The following HNF1B variants were observed in gnomAD, a reference collection of about 807,000 sequenced individuals.
HNF1B encodes HNF1 homeobox B.
A neutral mutation model predicts 61.7 loss-of-function variants in HNF1B; 8 were observed. That is an observed-to-expected ratio of 0.13 (90% CI 0.08 to 0.23). The LOEUF (loss-of-function observed/expected upper bound fraction) is 0.23, where lower values mean the gene tolerates loss of function less well. HNF1B is among the 10% of genes least tolerant of loss of function. The pLI, the probability that HNF1B is intolerant of heterozygous loss-of-function variation, is 1.00. For missense variants in HNF1B, 562 were observed against 714.5 expected (o/e 0.79, Z 2.43); for synonymous variants, 314 against 287.7 (o/e 1.09, Z -0.93).
chr17:37,733,671 C>T lies in HNF1B; in HGVS notation c.695G>A (p.Arg232His), dbSNP rs1293305953. Residue 232 changes from arginine to histidine, a missense_variant, in exon 3 of 9, where the codon CGC (arginine) becomes CAC (histidine). Arg to His is a conservative substitution (Grantham distance 29). Coordinates refer to ENST00000617811, the MANE Select transcript of HNF1B (RefSeq NM_000458.4). ...ACSEPTNKKM[R>H]RNRFKWGPAS... is the part of the protein sequence containing the mutation. ...GGGCCCCCATTTGAACCGGTTGCGG[C>T]GCATCTTCTTGTTGGTGGGCTCAGA... The T allele has an allele frequency of 1.9e-6, 3 of 1,614,136 alleles. No homozygotes were observed. The highest frequency in any genetic ancestry group is 2.5e-6 in the Non-Finnish European group (3 of 1,180,034).
intron 8 of HNF1B, among the ~76,000 whole-genome samples, chr17:37,694,422 A>G (rs9892033): frequency 0.39 from 18,131 of 46,828 alleles, 1,895 homozygotes; most frequent in Middle Eastern, 0.54. Context: ...GCAAAACTCC[A>G]TCCCCCCGCC....
At chr17:37,696,889 C>A (rs968992628) in intron 8 of HNF1B, among the ~76,000 whole-genome samples, 2 of 152,114 alleles carry the variant, frequency 1.3e-5, no homozygotes, top group African/African-American at 4.8e-5. Flanking sequence ...GCACCTTTAC[C>A]CTCATTTTAC....
intron 4 of HNF1B, among the ~76,000 whole-genome samples, chr17:37,719,320 C>A (rs932359444): frequency 1.3e-5 from 2 of 151,994 alleles, no homozygotes; most frequent in African/African-American, 4.8e-5. Flanking sequence ...AAAATACAAT[C>A]AAAATTGAAG....
rs928892825 is a variant in HNF1B, at chr17:37,714,713, G to A, written c.1046-4050C>T. 2.0e-4 allele frequency among the ~76,000 whole-genome samples: 30 copies of A among 152,282 alleles called. 1 individual carries two copies. The highest frequency in any genetic ancestry group is 1.8e-3 in the Admixed American group (28 of 15,302). On this transcript the variant is annotated intron_variant, in intron 4 of 8. Coordinates refer to ENST00000617811, the MANE Select transcript of HNF1B (RefSeq NM_000458.4). ...TCCTGGATACAGACGCAGATCATTCGGTTTCTATCCAATATGACTGGTCAG... is the reference window on the plus strand; with the variant it reads ...TCCTGGATACAGACGCAGATCATTCAGTTTCTATCCAATATGACTGGTCAG...
chr17:37,715,333 A>AG (rs1232314714), intron 4 of HNF1B, among the ~76,000 whole-genome samples: 13 of 152,244 alleles, frequency 8.5e-5, no homozygotes, highest in African/African-American at 3.1e-4. Flanking sequence ...AAACCCCAGC[A>AG]GCTTTGAGCA....
chr17:37,699,094 G>A lies in HNF1B; in HGVS notation c.1635C>T (p.Asn545=), dbSNP rs917853092. The A allele has an allele frequency of 1.9e-6, 3 of 1,613,188 alleles. No homozygotes were observed. In the African/African-American group the frequency reaches 4.0e-5, roughly 22 times the overall value. ...GCATTACCTGTTTACTTGAAGACAT[G>A]TTGGTGAGTGTACTGATGCTGCTGG... ...TDTSSISTLT[N]MSSSKQCPLQ... is the part of the protein sequence containing the mutation. Residue 545 remains asparagine, a synonymous_variant, in exon 8 of 9, where the codon AAC becomes AAT. Transcript: ENST00000617811.
intron 1 of HNF1B, 128 bp from the exon 2 acceptor site, chr17:37,739,767 TG>T: frequency 1.1e-6 from 1 of 917,434 alleles, no homozygotes; most frequent in Non-Finnish European, 1.7e-6. Context: ...GCTACAACTT[TG>T]GGGTAGACAT....
intron 8 of HNF1B, among the ~76,000 whole-genome samples, chr17:37,693,636 C>A (rs1418293383): frequency 6.6e-6 from 1 of 152,204 alleles, no homozygotes; most frequent in African/African-American, 2.4e-5. Context: ...GTTCCCCCAA[C>A]ATATTTGACC....
At chr17:37,738,591 T>C (rs2033901579) in intron 2 of HNF1B, among the ~76,000 whole-genome samples, 1 of 152,238 alleles carries the variant, frequency 6.6e-6, no homozygotes, top group South Asian at 2.1e-4. Flanking sequence ...AATGAAAGTG[T>C]AATGTCAAAG....
In HNF1B at chr17:37,687,316, A is replaced by G. The variant is rs750300176; in HGVS notation, c.*56T>C. ...TTCCATGACAGCTGCCCAGAGGGTG[A>G]TGGTGTGGAAAACAGGGTCCTTGTT... On this transcript the variant is annotated 3_prime_UTR_variant, in exon 9 of 9. Transcript: ENST00000617811. 16 of 1,614,018 alleles carry G rather than the reference A, an allele frequency of 9.9e-6. No individual in the cohort carries two copies. The highest frequency in any genetic ancestry group is 1.4e-5 in the Non-Finnish European group (16 of 1,180,018).
intron 8 of HNF1B, among the ~76,000 whole-genome samples, chr17:37,697,305 A>G (rs1223847871): frequency 6.6e-6 from 1 of 152,186 alleles, no homozygotes. Flanking sequence ...AAATGAGTCT[A>G]TTGCCAGACT....
intron 2 of HNF1B, among the ~76,000 whole-genome samples, chr17:37,734,367 G>A (rs552123900): frequency 6.6e-6 from 1 of 152,298 alleles, no homozygotes; most frequent in South Asian, 2.1e-4. Flanking sequence ...AATATAACTG[G>A]AGCTTTGTAT....
chr17:37,744,809 G>A lies in HNF1B; in HGVS notation c.76C>T (p.Leu26=), dbSNP rs746259014. The A allele has an allele frequency of 1.2e-6, 2 of 1,611,406 alleles. No individual in the cohort carries two copies. The highest frequency in any genetic ancestry group is 1.7e-6 in the Non-Finnish European group (2 of 1,178,976). Reference sequence around the variant, plus strand: ...AGCAACTCCTCCAAGGCCTGAACCAGCACCTCCTTGGTGACCCCGGAGCTC... The same window carrying A: ...AGCAACTCCTCCAAGGCCTGAACCAACACCTCCTTGGTGACCCCGGAGCTC... ...LLSSGVTKEV[L]VQALEELLPS... The change falls in exon 1 of 9, where the codon CTG becomes TTG. Residue 26 remains leucine, a synonymous_variant. Coordinates refer to ENST00000617811, the MANE Select transcript of HNF1B (RefSeq NM_000458.4).
intron 2 of HNF1B, among the ~76,000 whole-genome samples, chr17:37,737,171 C>T (rs577027149): frequency 2.0e-5 from 3 of 152,276 alleles, no homozygotes; most frequent in East Asian, 1.9e-4. Flanking sequence ...ACCCCATTCA[C>T]TTGTGTCCCT....
intron 8 of HNF1B, among the ~76,000 whole-genome samples, chr17:37,690,111 G>A (rs907031895): frequency 6.6e-6 from 1 of 152,120 alleles, no homozygotes; most frequent in African/African-American, 2.4e-5. Flanking sequence ...TGAGGAAAAA[G>A]AGATTAACTT....
At chr17:37,705,735 C>T (rs1454150486) in intron 5 of HNF1B, among the ~76,000 whole-genome samples, 1 of 151,996 alleles carries the variant, frequency 6.6e-6, no homozygotes, top group East Asian at 1.9e-4. Context: ...AGGGTCTTTT[C>T]CTTGCTAGTA....
At chr17:37,699,932 C>T (rs2147443891) in intron 7 of HNF1B, among the ~76,000 whole-genome samples, 1 of 152,346 alleles carries the variant, frequency 6.6e-6, no homozygotes, top group South Asian at 2.1e-4. Context: ...CTTTCACCAT[C>T]ATTGCCTTCT....
At chr17:37,723,409 T>G (rs981681884) in intron 4 of HNF1B, among the ~76,000 whole-genome samples, 1 of 152,036 alleles carries the variant, frequency 6.6e-6, no homozygotes, top group Admixed American at 6.6e-5. Context: ...AAATTCATGG[T>G]CATCTCGACT....
At chr17:37,716,842 A>ATCTCTATCTCTCTCTCTCTCTC (rs1491277443) in intron 4 of HNF1B, among the ~76,000 whole-genome samples, 1 of 131,288 alleles carries the variant, frequency 7.6e-6, no homozygotes. Context: ...CACTTTAACA[A>ATCTCTATCTCTCTCTCTCTCTC]TCTCTCTCTC....
Sources: allele counts gnomAD v4.1 joint callset (sites outside exome capture counted in the v4.1 genomes callset), GRCh38; gene constraint gnomAD v4.1.1; transcripts MANE v1.5; gene names NCBI Gene and HGNC (gene_info 2026-07-23, HGNC 2026-07-21).